Variants in ZSCAN18 observed in about 807,000 individuals in gnomAD.
ZSCAN18 encodes zinc finger and SCAN domain containing 18, also known as zinc finger and SCAN domain-containing protein 18.
ZSCAN18 carries 16 observed loss-of-function variants against 31.1 expected under a neutral mutation model. The observed-to-expected ratio is 0.51, with a 90% CI of 0.35 to 0.78. ZSCAN18 has a LOEUF of 0.78. Ranked by LOEUF, ZSCAN18 falls within the 30% of genes least tolerant of loss-of-function variation. ZSCAN18 has a pLI of 0.01. For synonymous variants in ZSCAN18, 375 were observed against 320.7 expected (o/e 1.17, Z -1.81); for missense variants, 731 against 697.4 (o/e 1.05, Z -0.54).
chr19:58,088,729 T>C lies in ZSCAN18; in HGVS notation c.512A>G (p.Gln171Arg), dbSNP rs1330896426. 4 of 1,607,670 alleles carry C rather than the reference T, an allele frequency of 2.5e-6. No individual in the cohort carries two copies. Among genetic ancestry groups the C allele is most frequent in the Non-Finnish European group, 3.4e-6 (4 of 1,179,916 alleles). ...LLPGELASPS[Q>R]ALGAGEIPAP... ...CGGGATCTCCCCAGCTCCAAGGGCC[T>C]GGCTGGGGCTCGCGAGCTCGCCTGG... The change falls in exon 3 of 7, where the codon CAG (glutamine) becomes CGG (arginine). Residue 171 changes from glutamine to arginine, a missense_variant. Physicochemically the swap from Gln to Arg is conservative, Grantham distance 43. Around this residue, in one of 4 missense-constraint regions of ZSCAN18, gnomAD observed 597 missense variants for 499.5 expected, o/e 1.20. Coordinates refer to ENST00000601144, the MANE Select transcript of ZSCAN18 (RefSeq NM_001145543.2).
chr19:58,112,753 T>C (rs11669829), intron 1 of ZSCAN18, among the ~76,000 whole-genome samples: 115,255 of 151,318 alleles, frequency 0.76, 44,611 homozygotes, highest in Non-Finnish European at 0.85. Flanking sequence ...AGTTTGAGAC[T>C]AGCCTGGCCA....
Position 58,085,319 on chromosome 19 carries a change from AC to A in ZSCAN18, c.898del (p.Val300CysfsTer129). On this transcript the variant is annotated frameshift_variant, in exon 7 of 7. Transcript: ENST00000601144. LOFTEE classifies it low-confidence loss of function (END_TRUNC). Reference sequence around the variant, plus strand: ...CGCCTCCGTAGGCAGCTCAGGCAGCACCCCCGCGGGGGCGGCCTCCTCGCAG... The same window carrying A: ...CGCCTCCGTAGGCAGCTCAGGCAGCACCCCGCGGGGGCGGCCTCCTCGCAG... ...CACEEAAPAG[V>X]LPELPTEAPP... 1 of 1,595,982 alleles carries A rather than the reference AC, an allele frequency of 6.3e-7. No individual in the cohort carries two copies. The highest frequency in any genetic ancestry group is 8.5e-7 in the Non-Finnish European group (1 of 1,177,834).
At chr19:58,094,270 G>A (rs2074476184) in intron 1 of ZSCAN18, among the ~76,000 whole-genome samples, 1 of 151,646 alleles carries the variant, frequency 6.6e-6, no homozygotes, top group African/African-American at 2.4e-5. Context: ...AATTAGCCAG[G>A]CATGGTGGCA....
intron 1 of ZSCAN18, among the ~76,000 whole-genome samples, chr19:58,113,848 T>G (rs567206010): frequency 1.3e-5 from 2 of 151,848 alleles, no homozygotes; most frequent in East Asian, 3.9e-4. Context: ...TGTGGTGGCA[T>G]GCGCCTGAAA....
chr19:58,092,695 T>C (rs1183233496), intron 1 of ZSCAN18: 1 of 984,684 alleles, frequency 1.0e-6, no homozygotes. Context: ...TGGAAGACAT[T>C]CTACACAAGC....
upstream of ZSCAN18, among the ~76,000 whole-genome samples, chr19:58,099,964 G>GTTGTT (rs367808513): frequency 1.5e-5 from 2 of 136,114 alleles, no homozygotes; most frequent in South Asian, 2.3e-4. Context: ...TGAAAGCTAT[G>GTTGTT]TTTTTTTTTT....
rs751503444 is a variant in ZSCAN18, at chr19:58,084,982, G to C, written c.1236C>G (p.Pro412=). ...CCTCCCCGCACTCGCCGCAGGCATA[G>C]GGCTTCCCGCGGGACAAGCCCGGCT... ...ADEPGLSRGK[P]YACGECGEAF... Residue 412 remains proline, a synonymous_variant, in exon 7 of 7, where the codon CCC becomes CCG. Transcript: ENST00000601144. The surrounding 1 kb of genome is among the most constrained non-coding windows in gnomAD (Gnocchi z 4.5). 9.4e-6 allele frequency: 15 copies of C among 1,598,854 alleles called. No individual in the cohort carries two copies. Among genetic ancestry groups the C allele is most frequent in the Middle Eastern group, 1.7e-4 (1 of 6,034 alleles).
At chr19:58,094,698 CA>C (rs1479388608) in intron 1 of ZSCAN18, among the ~76,000 whole-genome samples, 2 of 151,234 alleles carry the variant, frequency 1.3e-5, no homozygotes, top group African/African-American at 2.4e-5. Flanking sequence ...GGCAACATAC[CA>C]AAACTTCATC....
chr19:58,085,496 G>C, intron 6 of ZSCAN18, 117 bp from the exon 7 acceptor site: 1 of 907,554 alleles, frequency 1.1e-6, no homozygotes, highest in Non-Finnish European at 1.6e-6. Context: ...GGATCCCCGC[G>C]GGGCTCACGG....
chr19:58,107,679 C>A (rs1012497038), intron 1 of ZSCAN18: 13 of 987,200 alleles, frequency 1.3e-5, no homozygotes, highest in Non-Finnish European at 1.6e-5. Flanking sequence ...AACATAAACT[C>A]TTCAACATGA....
chr19:58,115,799 G>A (rs1299640341), intron 1 of ZSCAN18, among the ~76,000 whole-genome samples: 2 of 152,172 alleles, frequency 1.3e-5, no homozygotes, highest in African/African-American at 2.4e-5. Flanking sequence ...TTTTGTTACA[G>A]TTAGTATGCA....
rs368279554 is a variant in ZSCAN18, at chr19:58,086,948, C to T, written c.703G>A (p.Ala235Thr). The T allele has an allele frequency of 1.9e-6, 3 of 1,613,946 alleles. No individual in the cohort carries two copies. The highest frequency in any genetic ancestry group is 2.7e-5 in the African/African-American group (2 of 75,030). ...HLGEWGHLDP[A>T]EENLKSYRKL... ...CGGTAGCTCTTCAGGTTCTCCTCGG[C>T]AGGGTCCAGGTGGCCCCACTCCCCC... is the stretch of plus-strand genomic sequence containing the variant. Residue 235 changes from alanine (A) to threonine (T), a missense_variant, in exon 5 of 7, where the codon GCC becomes ACC. Ala to Thr is a moderately conservative substitution (Grantham distance 58). Around this residue, in one of 4 missense-constraint regions of ZSCAN18, gnomAD observed 597 missense variants for 499.5 expected, o/e 1.20. Transcript: ENST00000601144.
chr19:58,102,709 T>G (rs1374684448), upstream of ZSCAN18, among the ~76,000 whole-genome samples: 4 of 152,206 alleles, frequency 2.6e-5, no homozygotes, highest in Non-Finnish European at 5.9e-5. Context: ...AACAAGATTT[T>G]TTCCTTGAGA....
chr19:58,095,217 G>A lies in ZSCAN18; in HGVS notation c.-120+2957C>T, dbSNP rs147362348. On this transcript the variant is annotated intron_variant, in intron 1 of 6. Coordinates refer to ENST00000601144, the MANE Select transcript of ZSCAN18 (RefSeq NM_001145543.2). ...CATGGACAGAGGTGTGGTCCTGCAG[G>A]CATGTAATTTTGGCTTTCTTAGGAC... 3.9e-5 allele frequency among the ~76,000 whole-genome samples: 6 copies of A among 152,298 alleles called. No homozygotes were observed. The East Asian group carries it at 1.2e-3, about 29-fold the overall frequency.
chr19:58,110,781 G>A (rs1004445284), intron 1 of ZSCAN18, among the ~76,000 whole-genome samples: 14 of 152,192 alleles, frequency 9.2e-5, no homozygotes, highest in African/African-American at 3.1e-4. Flanking sequence ...TAAATTCAAA[G>A]TGGATGACTC....
At chr19:58,092,683 G>A in intron 1 of ZSCAN18, 2 of 983,964 alleles carry the variant, frequency 2.0e-6, no homozygotes. Flanking sequence ...CTTAAGTGCT[G>A]TTGGAAGACA....
At chr19:58,087,147 C>A in intron 4 of ZSCAN18, 139 bp from the exon 5 acceptor site, 1 of 979,060 alleles carries the variant, frequency 1.0e-6, no homozygotes, top group Non-Finnish European at 1.5e-6. Context: ...GGAGGCAGCC[C>A]CCTTCGCACC....
rs780879079 is a variant in ZSCAN18 at position 58,084,931 on chromosome 19, C to T, written c.1287G>A (p.Met429Ile). The change falls in exon 7 of 7, where the codon ATG becomes ATA. Residue 429 changes from methionine (M) to isoleucine (I), a missense_variant. Transcript: ENST00000601144. This position sits in a 1 kb window ranked among gnomAD's most constrained non-coding sequence, Gnocchi z 4.5. Reference sequence around the variant, plus strand: ...GGCCGCCATGGCTGCTGTGGTGCTCCATCAGGTGCGAGAGCCACGCGAAGG... The same window carrying T: ...GGCCGCCATGGCTGCTGTGGTGCTCTATCAGGTGCGAGAGCCACGCGAAGG... ...GEAFAWLSHLMEHHSSHGGRK... is the reference protein window; with the variant it reads ...GEAFAWLSHLIEHHSSHGGRK... 1.3e-6 allele frequency: 2 copies of T among 1,596,962 alleles called. No homozygotes were observed. The highest frequency in any genetic ancestry group is 1.1e-5 in the South Asian group (1 of 88,866).
intron 1 of ZSCAN18, among the ~76,000 whole-genome samples, chr19:58,111,445 C>T (rs2074682739): frequency 6.6e-6 from 1 of 152,070 alleles, no homozygotes; most frequent in Non-Finnish European, 1.5e-5. Flanking sequence ...ATCCTGGGCT[C>T]AATTAATCCT....
Sources: gnomAD v4.1 joint callset for allele counts (sites outside exome capture counted in the v4.1 genomes callset) on GRCh38, gnomAD v4.1.1 for gene constraint, gnomAD v4.1.1 regional missense constraint, Gnocchi (gnomAD v3.1) non-coding constraint, MANE v1.5 for transcripts, NCBI Gene and HGNC (gene_info 2026-07-23, HGNC 2026-07-21) for gene names.